The following NUP205 variants were observed in gnomAD, a reference collection of about 807,000 sequenced individuals.
NUP205 encodes nuclear pore complex protein Nup205.
In NUP205, 76 loss-of-function variants were observed where a neutral mutation model predicts 253.8. The observed-to-expected ratio is 0.30, with a 90% CI of 0.25 to 0.36. The LOEUF is 0.36. Among genes scored for constraint, NUP205 ranks in the 10% least tolerant of loss-of-function variants. The pLI, the probability that NUP205 is intolerant of heterozygous loss-of-function variation, is 1.00. For synonymous variants in NUP205, 832 were observed against 850.1 expected, an observed-to-expected ratio of 0.98 and a Z score of 0.37; for missense variants, 2,162 against 2,425.5, an observed-to-expected ratio of 0.89 and a Z score of 2.28.
intron 5 of NUP205, 96 bp downstream of exon 5, chr7:135,577,224 G>A: frequency 2.5e-6 from 3 of 1,216,870 alleles, no homozygotes; most frequent in East Asian, 2.4e-5. Context: ...GATGAATTAT[G>A]TAGCTGATAC....
chr7:135,634,458 G>A (rs1794772184), intron 35 of NUP205, among the ~76,000 whole-genome samples: 7 of 152,136 alleles, frequency 4.6e-5, no homozygotes, highest in Admixed American at 4.6e-4. Flanking sequence ...TCATGATAGC[G>A]TTAGGTGCAA....
chr7:135,646,014 T>G (rs1377706140), intron 41 of NUP205, 144 bp from the exon 42 acceptor site: 1 of 634,162 alleles, frequency 1.6e-6, no homozygotes, highest in Non-Finnish European at 2.8e-6. Flanking sequence ...GGGCTTCCAT[T>G]TGCTAAAAGT....
chr7:135,575,000 A>T (rs191011888), intron 3 of NUP205, among the ~76,000 whole-genome samples: 132 of 152,252 alleles, frequency 8.7e-4, no homozygotes, highest in African/African-American at 2.9e-3. Context: ...TTTGAGTTTA[A>T]CTCGGAACTT....
chr7:135,576,549 A>T, intron 4 of NUP205, 135 bp downstream of exon 4: 1 of 750,366 alleles, frequency 1.3e-6, no homozygotes, highest in Non-Finnish European at 2.1e-6. Context: ...GCCAAGACAG[A>T]TATAACAATT....
chr7:135,645,361 G>A, intron 40 of NUP205, 107 bp from the exon 41 acceptor site: 1 of 1,128,496 alleles, frequency 8.9e-7, no homozygotes, highest in Non-Finnish European at 1.3e-6. Context: ...GAGGCTGTGG[G>A]TACCTCATTA....
At chr7:135,588,033 G>T (rs749338437) in intron 10 of NUP205, 41 bp downstream of exon 10, 1 of 1,526,360 alleles carries the variant, frequency 6.6e-7, no homozygotes, top group South Asian at 1.3e-5. Context: ...CTGGTACTGT[G>T]ATAGAGAGTC....
rs79508920 is a variant in NUP205 at position 135,628,243 on chromosome 7, A to G, written c.4932+132A>G. ...ATGTTTGTGGCAGAGCAGGGTAGAG[A>G]AAAGAGGCCCCTGTACTTTGTTCTT... On this transcript the variant is annotated intron_variant, in intron 34 of 42. Transcript: ENST00000285968. 8.3e-3 allele frequency: 6,046 copies of G among 724,216 alleles called. 124 individuals carry two copies. Among genetic ancestry groups the G allele is most frequent in the East Asian group, 0.063 (2,276 of 35,960 alleles). 44.9% of individuals were successfully genotyped at this position (724,216 alleles called of 1,614,324 possible).
chr7:135,563,394 G>A (rs564302340), intron 1 of NUP205, among the ~76,000 whole-genome samples: 21 of 152,086 alleles, frequency 1.4e-4, no homozygotes, highest in South Asian at 4.1e-4. Context: ...TCGCTGTGTT[G>A]GCCAGGACGG....
intron 6 of NUP205, 26 bp from the exon 7 acceptor site, chr7:135,578,724 TA>T: frequency 6.5e-7 from 1 of 1,544,128 alleles, no homozygotes; most frequent in Non-Finnish European, 8.8e-7. Flanking sequence ...TGGTGATCGG[TA>T]AAGTGGTCTA....
chr7:135,632,032 A>G (rs925143603), intron 35 of NUP205, among the ~76,000 whole-genome samples: 1 of 152,056 alleles, frequency 6.6e-6, no homozygotes, highest in Admixed American at 6.5e-5. Context: ...GGCTTGAGCC[A>G]CCGCGCCCGG....
intron 11 of NUP205, among the ~76,000 whole-genome samples, chr7:135,592,741 G>A (rs1584658383): frequency 6.6e-6 from 1 of 152,150 alleles, no homozygotes; most frequent in African/African-American, 2.4e-5. Flanking sequence ...ACAAAAATTA[G>A]CAAGGCGTTG....
chr7:135,644,573 T>C (rs924920703), intron 39 of NUP205, among the ~76,000 whole-genome samples: 15 of 152,240 alleles, frequency 9.9e-5, no homozygotes, highest in Non-Finnish European at 2.2e-4. Flanking sequence ...GGGATTGTTA[T>C]AGCTACTGTT....
At chr7:135,587,506 C>T in intron 8 of NUP205, 69 bp from the exon 9 acceptor site, 1 of 847,968 alleles carries the variant, frequency 1.2e-6, no homozygotes, top group Non-Finnish European at 1.8e-6. Context: ...AAGACAGTTG[C>T]CTGATTTCAT....
chr7:135,598,881 A>G (rs966741258), intron 15 of NUP205: 2 of 152,404 alleles, frequency 1.3e-5, no homozygotes, highest in African/African-American at 4.8e-5. Context: ...ATCCAAGCTC[A>G]TAGCCACTAA....
chr7:135,606,312 G>C, intron 20 of NUP205, 86 bp downstream of exon 20: 1 of 895,320 alleles, frequency 1.1e-6, no homozygotes, highest in African/African-American at 1.7e-5. Flanking sequence ...ATTGTTAACT[G>C]TTTTAGTGAT....
chr7:135,622,573 A>G (rs891564843), intron 30 of NUP205, among the ~76,000 whole-genome samples: 4 of 152,058 alleles, frequency 2.6e-5, no homozygotes, highest in African/African-American at 9.7e-5. Context: ...TGAAACATGC[A>G]TGAAATAGGT....
At chr7:135,610,435 G>C (rs112227863) in intron 22 of NUP205, among the ~76,000 whole-genome samples, 6,281 of 152,242 alleles carry the variant, frequency 0.041, 446 homozygotes, top group African/African-American at 0.14. Context: ...GTCCAGGCTG[G>C]TCTCAAACTC....
chr7:135,583,254 A>G (rs73725147), intron 7 of NUP205, among the ~76,000 whole-genome samples: 5,165 of 152,302 alleles, frequency 0.034, 119 homozygotes, highest in Middle Eastern at 0.1. Flanking sequence ...GTCAAACAGA[A>G]TAAGCTGTGT....
intron 11 of NUP205, 78 bp from the exon 12 acceptor site, chr7:135,592,909 T>G: frequency 9.2e-7 from 1 of 1,092,368 alleles, no homozygotes; most frequent in Non-Finnish European, 1.4e-6. Context: ...TATATTGTTT[T>G]AAATTAATTT....
Sources: allele counts gnomAD v4.1 joint callset (sites outside exome capture counted in the v4.1 genomes callset), GRCh38; gene constraint gnomAD v4.1.1; transcripts MANE v1.5; gene names NCBI Gene and HGNC (gene_info 2026-07-23, HGNC 2026-07-21).